The following PTPRN2 variants were observed in gnomAD, a reference collection of about 807,000 sequenced individuals.
PTPRN2 encodes protein tyrosine phosphatase receptor type N2, also known as receptor-type tyrosine-protein phosphatase N2.
PTPRN2 carries 74 observed loss-of-function variants against 118.8 expected under a neutral mutation model. That is an observed-to-expected ratio of 0.62 (90% confidence interval 0.52 to 0.76). The LOEUF is 0.76. PTPRN2 is among the 30% of genes least tolerant of loss of function. PTPRN2 has a pLI of 0.00. For missense variants in PTPRN2, 1,481 were observed against 1,394.4 expected, an observed-to-expected ratio of 1.06 and a Z score of -0.99; for synonymous variants, 641 against 608.0, an observed-to-expected ratio of 1.05 and a Z score of -0.80.
chr7:158,145,398 G>A (rs73173617), intron 6 of PTPRN2, among the ~76,000 whole-genome samples: 14,570 of 150,710 alleles, frequency 0.097, 766 homozygotes, highest in African/African-American at 0.13. Context: ...GGCAGTGCCC[G>A]GTACAGCGTG....
Position 158,358,385 on chromosome 7 carries a change from C to T in PTPRN2, c.164-41453G>A, listed in dbSNP as rs574441215. On this transcript the variant is annotated intron_variant, in intron 2 of 22. Coordinates refer to ENST00000389418, the MANE Select transcript of PTPRN2 (RefSeq NM_002847.5). ...GAGGAGGGCTGCAGGCGGCTCTGCC[C>T]TTCCTGGCCTCCAGAGACACACTGA... Among the ~76,000 whole-genome samples, 4 of 152,360 alleles carry T rather than the reference C, an allele frequency of 2.6e-5. No individual in the cohort carries two copies. In the South Asian group the frequency reaches 8.3e-4, roughly 32 times the overall value.
chr7:158,497,396 A>G (rs935797845), intron 1 of PTPRN2, among the ~76,000 whole-genome samples: 1 of 150,760 alleles, frequency 6.6e-6, no homozygotes, highest in South Asian at 2.1e-4. Flanking sequence ...GTCCTCCCCA[A>G]TTCTGAGGCT....
At chr7:158,383,027 C>T (rs751219381) in intron 2 of PTPRN2, among the ~76,000 whole-genome samples, 1 of 152,116 alleles carries the variant, frequency 6.6e-6, no homozygotes, top group Non-Finnish European at 1.5e-5. Flanking sequence ...TGTCTTACAG[C>T]CTATTGATAA....
chr7:158,441,637 GTGATGGCAATGGTGGTGA>G (rs1817258819), intron 2 of PTPRN2, among the ~76,000 whole-genome samples: 1 of 150,152 alleles, frequency 6.7e-6, no homozygotes, highest in African/African-American at 2.5e-5. Context: ...GATAGTGATG[GTGATGGCAATGGTGGTGA>G]TGGTGATGGT....
chr7:158,435,276 T>C (rs1482794528), intron 2 of PTPRN2, among the ~76,000 whole-genome samples: 1 of 152,180 alleles, frequency 6.6e-6, no homozygotes, highest in African/African-American at 2.4e-5. Flanking sequence ...CCTGATTTTT[T>C]AAACGGGCAA....
chr7:158,425,320 G>A (rs1815638113), intron 2 of PTPRN2, among the ~76,000 whole-genome samples: 1 of 119,774 alleles, frequency 8.3e-6, no homozygotes, highest in African/African-American at 3.6e-5. Context: ...CCCAGAGTCC[G>A]AGACCAGCCT....
chr7:157,899,205 C>G (rs1040363345), intron 11 of PTPRN2, among the ~76,000 whole-genome samples: 5 of 152,210 alleles, frequency 3.3e-5, no homozygotes, highest in Non-Finnish European at 7.3e-5. Flanking sequence ...AGCTATTTTG[C>G]AGCCTCTTGT....
At chr7:158,359,114 G>A (rs1038345380) in intron 2 of PTPRN2, among the ~76,000 whole-genome samples, 2 of 152,146 alleles carry the variant, frequency 1.3e-5, no homozygotes, top group Non-Finnish European at 1.5e-5. Context: ...CAGCATCTGG[G>A]AGGCCCCATC....
At chr7:157,761,213 A>G (rs1802105210) in intron 12 of PTPRN2, among the ~76,000 whole-genome samples, 1 of 152,018 alleles carries the variant, frequency 6.6e-6, no homozygotes, top group Admixed American at 6.6e-5. Flanking sequence ...CCATCAAGCT[A>G]CCAATGACTT....
intron 2 of PTPRN2, among the ~76,000 whole-genome samples, chr7:158,484,562 C>CA (rs1387422246): frequency 6.6e-6 from 1 of 152,160 alleles, no homozygotes; most frequent in Non-Finnish European, 1.5e-5. Context: ...GGGGTTTCAC[C>CA]ATGTTGGCCA....
At chr7:158,540,947 T>C (rs1409465110) in intron 1 of PTPRN2, among the ~76,000 whole-genome samples, 1 of 152,210 alleles carries the variant, frequency 6.6e-6, no homozygotes, top group East Asian at 1.9e-4. Flanking sequence ...TGCCCACAAG[T>C]TACCTTCTTT....
At chr7:158,571,337 G>A (rs1828017937) in intron 1 of PTPRN2, among the ~76,000 whole-genome samples, 1 of 151,830 alleles carries the variant, frequency 6.6e-6, no homozygotes, top group African/African-American at 2.4e-5. Flanking sequence ...AATTAGCCAA[G>A]CATGGTAGTG....
rs751069064 is a variant in PTPRN2, at chr7:157,813,077, G to A, written c.1788+85596C>T. ...GACGGTGCTCAAATGACTGTGACAC[G>A]TGCCGTGTATCTGCAAAGACCTGTG... On this transcript the variant is annotated intron_variant, in intron 12 of 22. Coordinates refer to ENST00000389418, the MANE Select transcript of PTPRN2 (RefSeq NM_002847.5). The surrounding 1 kb of genome is among the most constrained non-coding windows in gnomAD (Gnocchi z 4.7). Among the ~76,000 whole-genome samples the A allele has an allele frequency of 9.9e-5, 15 of 152,118 alleles. No individual in the cohort carries two copies. Among genetic ancestry groups the A allele is most frequent in the African/African-American group, 1.4e-4 (6 of 41,402 alleles).
At chr7:158,244,549 T>TTG (rs57307690) in intron 3 of PTPRN2, among the ~76,000 whole-genome samples, 115,247 of 151,586 alleles carry the variant, frequency 0.76, 44,033 homozygotes, top group African/African-American at 0.85. Context: ...AGCATGTTTT[T>TTG]TGTGTGTGTT....
At chr7:158,403,670 C>T (rs1813115506) in intron 2 of PTPRN2, among the ~76,000 whole-genome samples, 1 of 152,152 alleles carries the variant, frequency 6.6e-6, no homozygotes, top group Non-Finnish European at 1.5e-5. Context: ...AGTGCGGCAG[C>T]CGGGACTGCG....
At chr7:158,270,787 CTCCACCT>C (rs1798303872) in intron 3 of PTPRN2, among the ~76,000 whole-genome samples, 5 of 97,424 alleles carry the variant, frequency 5.1e-5, no homozygotes, top group Admixed American at 4.1e-4. Context: ...TGGACCACCC[CTCCACCT>C]GGACCACCCC....
Position 157,868,140 on chromosome 7 carries a change from G to A in PTPRN2, c.1788+30533C>T, listed in dbSNP as rs915530506. The stretch of plus-strand genomic sequence containing the variant: ...AGTTCACGAGTGGGGTGTGGGCTGT[G>A]GGTCCAGACACAGTTATCCTAAGGC... On this transcript the variant is annotated intron_variant, in intron 12 of 22. Coordinates refer to ENST00000389418, the MANE Select transcript of PTPRN2 (RefSeq NM_002847.5). The surrounding 1 kb of genome is among the most constrained non-coding windows in gnomAD (Gnocchi z 5.2). Among the ~76,000 whole-genome samples, 6 of 152,198 alleles carry A rather than the reference G, an allele frequency of 3.9e-5. No homozygotes were observed. Among genetic ancestry groups the A allele is most frequent in the African/African-American group, 1.2e-4 (5 of 41,448 alleles).
intron 2 of PTPRN2, among the ~76,000 whole-genome samples, chr7:158,462,583 A>C (rs1352952691): frequency 6.6e-6 from 1 of 152,210 alleles, no homozygotes; most frequent in African/African-American, 2.4e-5. Flanking sequence ...GAGGATGACA[A>C]GTCATTTACT....
intron 2 of PTPRN2, among the ~76,000 whole-genome samples, chr7:158,465,448 T>C (rs1442191716): frequency 1.3e-5 from 2 of 152,258 alleles, no homozygotes; most frequent in East Asian, 3.8e-4. Context: ...CATGAGGGCA[T>C]TTTTTCATTA....
Sources: gnomAD v4.1 joint callset for allele counts (sites outside exome capture counted in the v4.1 genomes callset) on GRCh38, gnomAD v4.1.1 for gene constraint, Gnocchi (gnomAD v3.1) non-coding constraint, MANE v1.5 for transcripts, NCBI Gene and HGNC (gene_info 2026-07-23, HGNC 2026-07-21) for gene names.